CSMD1: variants seen among roughly 807,000 people sequenced by gnomAD.
CSMD1 encodes the protein CUB and Sushi multiple domains 1.
A neutral mutation model predicts 417.5 loss-of-function variants in CSMD1; 213 were observed. The observed-to-expected ratio is 0.51, with a 90% confidence interval of 0.46 to 0.57. The LOEUF (loss-of-function observed/expected upper bound fraction) is 0.57, where lower values mean the gene tolerates loss of function less well. Among genes scored for constraint, CSMD1 ranks in the 20% least tolerant of loss-of-function variants. CSMD1 has a pLI of 0.00. For synonymous variants in CSMD1, 2,862 were observed against 1,736.8 expected (o/e 1.65, Z -16.11); for missense variants, 6,923 against 4,529.7 (o/e 1.53, Z -15.17).
intron 1 of CSMD1, among the ~76,000 whole-genome samples, chr8:4,981,901 C>T (rs1219575386): frequency 1.3e-5 from 2 of 152,114 alleles, no homozygotes; most frequent in Non-Finnish European, 2.9e-5. Flanking sequence ...TCTCTCTCCC[C>T]CAACCCCACT....
chr8:3,176,882 G>T lies in CSMD1; in HGVS notation c.5725+4228C>A, dbSNP rs114681980. 5.0e-3 allele frequency among the ~76,000 whole-genome samples: 764 copies of T among 151,852 alleles called. 10 individuals are homozygous for T. Among genetic ancestry groups the T allele is most frequent in the African/African-American group, 0.018 (725 of 41,392 alleles). Reference sequence around the variant, plus strand: ...TAGCCTCGGCCTCCTGGGCTCAACGGATCATCCCACCTCAGCCTCCTGTGT... The same window carrying T: ...TAGCCTCGGCCTCCTGGGCTCAACGTATCATCCCACCTCAGCCTCCTGTGT... On this transcript the variant is annotated intron_variant, in intron 37 of 69. Coordinates refer to ENST00000635120, the MANE Select transcript of CSMD1 (RefSeq NM_033225.6).
chr8:4,435,506 G>A (rs1024536370), intron 2 of CSMD1, among the ~76,000 whole-genome samples: 7 of 152,174 alleles, frequency 4.6e-5, no homozygotes, highest in African/African-American at 1.7e-4. Flanking sequence ...ATTTGTCCAG[G>A]AAAACTGAAA....
At chr8:3,377,971 G>A (rs1810413847) in intron 18 of CSMD1, among the ~76,000 whole-genome samples, 1 of 152,160 alleles carries the variant, frequency 6.6e-6, no homozygotes, top group Non-Finnish European at 1.5e-5. Flanking sequence ...AAAAGTCAGT[G>A]CCGTCATGGC....
intron 3 of CSMD1, among the ~76,000 whole-genome samples, chr8:4,268,137 T>C (rs1432270429): frequency 1.3e-5 from 2 of 152,136 alleles, no homozygotes; most frequent in Admixed American, 6.6e-5. Flanking sequence ...TAAACATATG[T>C]CCAAATCCAA....
At chr8:4,860,455 C>A (rs1275606252) in intron 1 of CSMD1, among the ~76,000 whole-genome samples, 1 of 151,850 alleles carries the variant, frequency 6.6e-6, no homozygotes, top group Non-Finnish European at 1.5e-5. Context: ...CTCTCTTGGC[C>A]CTGCTCTCGC....
At chr8:4,330,237 C>T (rs769629322) in intron 3 of CSMD1, among the ~76,000 whole-genome samples, 24 of 152,184 alleles carry the variant, frequency 1.6e-4, no homozygotes, top group Non-Finnish European at 2.8e-4. Flanking sequence ...GTCAGATCCA[C>T]CCGTCAGATC....
At chr8:4,636,350 G>A (rs934689635) in intron 2 of CSMD1, among the ~76,000 whole-genome samples, 26 of 152,074 alleles carry the variant, frequency 1.7e-4, no homozygotes, top group African/African-American at 6.3e-4. Context: ...GAAATGTTTT[G>A]CTTTCTTCAT....
At chr8:4,505,272 T>G (rs1411416822) in intron 2 of CSMD1, among the ~76,000 whole-genome samples, 2 of 152,190 alleles carry the variant, frequency 1.3e-5, no homozygotes, top group East Asian at 3.8e-4. Flanking sequence ...ATGATAAATG[T>G]GTTCTTTAGA....
At chr8:4,398,263 G>A (rs901011384) in intron 3 of CSMD1, among the ~76,000 whole-genome samples, 1 of 152,062 alleles carries the variant, frequency 6.6e-6, no homozygotes, top group Non-Finnish European at 1.5e-5. Flanking sequence ...ATATTGTGGT[G>A]TGGTTATTTC....
chr8:4,770,168 C>T lies in CSMD1; in HGVS notation c.86-132610G>A, dbSNP rs867162731. On this transcript the variant is annotated intron_variant, in intron 1 of 69. Transcript: ENST00000635120. The stretch of plus-strand genomic sequence containing the variant: ...GCAACATACAGATTCAATACATATT[C>T]CTATATATAAATTTTTATATTCCTA... Among the ~76,000 whole-genome samples, 18 of 150,160 alleles carry T rather than the reference C, an allele frequency of 1.2e-4. No individual in the cohort carries two copies. The South Asian group carries it at 2.1e-3, about 17-fold the overall frequency.
intron 10 of CSMD1, among the ~76,000 whole-genome samples, chr8:3,496,383 G>A (rs113718348): frequency 2.6e-5 from 4 of 152,138 alleles, no homozygotes; most frequent in South Asian, 2.1e-4. Context: ...TGGCTTGCTC[G>A]TGGAGGGAAG....
chr8:3,914,721 C>CA (rs1808697529), intron 5 of CSMD1, among the ~76,000 whole-genome samples: 2 of 150,888 alleles, frequency 1.3e-5, no homozygotes, highest in South Asian at 4.2e-4. Flanking sequence ...TTGACTATCC[C>CA]TTTTTTTTTC....
chr8:4,961,883 G>A (rs1169332465), intron 1 of CSMD1, among the ~76,000 whole-genome samples: 1 of 103,338 alleles, frequency 9.7e-6, no homozygotes, highest in South Asian at 3.6e-4. Context: ...TTTCTAACAC[G>A]TGCAAAAATT....
At chr8:4,492,538 G>A (rs181859507) in intron 2 of CSMD1, among the ~76,000 whole-genome samples, 7 of 152,138 alleles carry the variant, frequency 4.6e-5, no homozygotes, top group Non-Finnish European at 1.0e-4. Flanking sequence ...TTTCTCACAT[G>A]ATTTGCTCTA....
At chr8:3,992,139 T>TGG (rs1814799862) in intron 5 of CSMD1, among the ~76,000 whole-genome samples, 1 of 151,334 alleles carries the variant, frequency 6.6e-6, no homozygotes. Flanking sequence ...TGTGTGTGTG[T>TGG]ATGTACATAT....
At chr8:3,859,836 A>T (rs369661124) in intron 5 of CSMD1, among the ~76,000 whole-genome samples, 1 of 152,186 alleles carries the variant, frequency 6.6e-6, no homozygotes, top group Admixed American at 6.5e-5. Context: ...GAAGCTGCAC[A>T]TTTGGAAGCC....
intron 4 of CSMD1, among the ~76,000 whole-genome samples, chr8:4,023,767 TTTTTTTTTTTTTTTTTTG>T (rs988882727): frequency 2.6e-5 from 3 of 113,334 alleles, no homozygotes; most frequent in African/African-American, 6.1e-5. Context: ...TTTTTTTTTT[TTTTTTTTTTTTTTTTTTG>T]TGTGTGTATT....
chr8:4,557,140 A>C (rs149836205), intron 2 of CSMD1, among the ~76,000 whole-genome samples: 4 of 152,272 alleles, frequency 2.6e-5, no homozygotes, highest in African/African-American at 9.6e-5. Context: ...GTAAAGGTTA[A>C]TTTTGCTTTT....
intron 37 of CSMD1, among the ~76,000 whole-genome samples, chr8:3,172,693 G>T (rs1178872908): frequency 1.3e-5 from 2 of 152,130 alleles, no homozygotes; most frequent in Admixed American, 1.3e-4. Flanking sequence ...CACCCTCAGG[G>T]GAGGTGGGAG....
Sources: allele counts gnomAD v4.1 joint callset (sites outside exome capture counted in the v4.1 genomes callset), GRCh38; gene constraint gnomAD v4.1.1; transcripts MANE v1.5; gene names NCBI Gene and HGNC (gene_info 2026-07-23, HGNC 2026-07-21).